Variants in MGMT observed in about 807,000 individuals in gnomAD.
MGMT encodes methylated-DNA--protein-cysteine methyltransferase.
Under a neutral mutation model 15.9 loss-of-function variants are expected in MGMT, and 14 were observed. The observed-to-expected ratio is 0.88, with a 90% confidence interval of 0.58 to 1.37. The LOEUF (loss-of-function observed/expected upper bound fraction) is 1.37. MGMT is among the 40% of genes most tolerant of loss of function. The probability of loss-of-function intolerance (pLI) is 0.00; values close to 1 mark genes in which losing one functional copy is unlikely to be tolerated. For missense variants in MGMT, 282 were observed against 268.1 expected (o/e 1.05, Z -0.36); for synonymous variants, 130 against 118.2 (o/e 1.10, Z -0.65).
At chr10:129,579,903 A>T (rs1178713293) in intron 2 of MGMT, among the ~76,000 whole-genome samples, 2 of 152,128 alleles carry the variant, frequency 1.3e-5, no homozygotes, top group African/African-American at 4.8e-5. Flanking sequence ...AAAGCCCTTG[A>T]CACTTTCTGG....
chr10:129,489,966 T>C (rs1177950437), intron 1 of MGMT, among the ~76,000 whole-genome samples: 1 of 152,180 alleles, frequency 6.6e-6, no homozygotes, highest in East Asian at 1.9e-4. Flanking sequence ...TTTAAGTCGA[T>C]GTGGGGATAA....
chr10:129,752,666 G>GTA (rs1372492022), intron 3 of MGMT, among the ~76,000 whole-genome samples: 3 of 152,014 alleles, frequency 2.0e-5, no homozygotes. Context: ...TTCTTTCACA[G>GTA]TCTAATTAGA....
chr10:129,716,475 G>A (rs968274864), intron 3 of MGMT, among the ~76,000 whole-genome samples: 9 of 152,118 alleles, frequency 5.9e-5, no homozygotes, highest in South Asian at 4.1e-4. Context: ...ATTGGGCTCC[G>A]CGATCCCCCG....
intron 2 of MGMT, among the ~76,000 whole-genome samples, chr10:129,623,781 A>G (rs935288898): frequency 1.3e-5 from 2 of 152,128 alleles, no homozygotes; most frequent in Non-Finnish European, 2.9e-5. Flanking sequence ...TTGGCCTCCA[A>G]AGGAGTTAGG....
At chr10:129,701,470 A>C (rs1335357081) in intron 2 of MGMT, 1 of 152,166 alleles carries the variant, frequency 6.6e-6, no homozygotes, top group South Asian at 2.1e-4. Context: ...AGCCAAGTAC[A>C]TCGTGTGTTA....
intron 2 of MGMT, among the ~76,000 whole-genome samples, chr10:129,673,303 T>A (rs1847746289): frequency 6.6e-6 from 1 of 151,942 alleles, no homozygotes. Flanking sequence ...AAAAAAAAAA[T>A]CATGTTATAA....
intron 2 of MGMT, among the ~76,000 whole-genome samples, chr10:129,613,282 G>T (rs192465189): frequency 1.3e-4 from 20 of 152,354 alleles, no homozygotes; most frequent in African/African-American, 4.8e-4. Context: ...AGAGATGCAA[G>T]TGCTCTTTGC....
At chr10:129,657,377 AG>A (rs1449641474) in intron 2 of MGMT, among the ~76,000 whole-genome samples, 3 of 139,886 alleles carry the variant, frequency 2.1e-5, no homozygotes, top group Non-Finnish European at 4.6e-5. Flanking sequence ...ATACTTAGCA[AG>A]GACCTCCTGC....
At chr10:129,527,258 G>A (rs1034419601) in intron 1 of MGMT, among the ~76,000 whole-genome samples, 1 of 152,218 alleles carries the variant, frequency 6.6e-6, no homozygotes, top group African/African-American at 2.4e-5. Context: ...CAGCAACACG[G>A]CTGTCCCATT....
At chr10:129,619,516 A>G (rs1564739120) in intron 2 of MGMT, among the ~76,000 whole-genome samples, 1 of 152,176 alleles carries the variant, frequency 6.6e-6, no homozygotes, top group Non-Finnish European at 1.5e-5. Context: ...TCATAAAATG[A>G]ACTGATGTAT....
At chr10:129,717,373 C>G (rs1848311626) in intron 3 of MGMT, among the ~76,000 whole-genome samples, 1 of 152,170 alleles carries the variant, frequency 6.6e-6, no homozygotes, top group Non-Finnish European at 1.5e-5. Context: ...TGGTAAATAG[C>G]GTGTTCAGTA....
At chr10:129,651,485 C>T (rs1488128134) in intron 2 of MGMT, among the ~76,000 whole-genome samples, 1 of 151,848 alleles carries the variant, frequency 6.6e-6, no homozygotes, top group Non-Finnish European at 1.5e-5. Flanking sequence ...TTTACTATAG[C>T]GAACAAATTG....
intron 1 of MGMT, among the ~76,000 whole-genome samples, chr10:129,492,058 G>A (rs2119658269): frequency 6.6e-6 from 1 of 152,174 alleles, no homozygotes; most frequent in Middle Eastern, 3.4e-3. Flanking sequence ...TAAAACCTCT[G>A]GATTGTCGTG....
At chr10:129,738,822 A>G (rs11016907) in intron 3 of MGMT, among the ~76,000 whole-genome samples, 83,607 of 152,022 alleles carry the variant, frequency 0.55, 23,291 homozygotes, top group Middle Eastern at 0.72. Context: ...GCATCATCCT[A>G]ATACCAAAGG....
intron 3 of MGMT, among the ~76,000 whole-genome samples, chr10:129,747,833 A>C (rs1848711270): frequency 6.6e-6 from 1 of 152,176 alleles, no homozygotes. Flanking sequence ...GACAGTGTTA[A>C]GGAGTACTGA....
chr10:129,589,896 A>G (rs1846662184), intron 2 of MGMT, among the ~76,000 whole-genome samples: 1 of 152,248 alleles, frequency 6.6e-6, no homozygotes, highest in African/African-American at 2.4e-5. Flanking sequence ...AGACAGAGGC[A>G]GAGGACGTGG....
intron 3 of MGMT, among the ~76,000 whole-genome samples, chr10:129,729,284 G>A (rs1387412359): frequency 7.9e-5 from 12 of 152,192 alleles, no homozygotes; most frequent in East Asian, 5.8e-4. Context: ...CCACTGCACA[G>A]GGAAGGCACC....
chr10:129,593,098 G>A (rs114098978), intron 2 of MGMT, among the ~76,000 whole-genome samples: 5,440 of 152,274 alleles, frequency 0.036, 137 homozygotes, highest in South Asian at 0.064. Context: ...TGTAGGGTGA[G>A]GGAGAAGCCC....
At chr10:129,626,095 C>T (rs895606660) in intron 2 of MGMT, among the ~76,000 whole-genome samples, 12 of 152,140 alleles carry the variant, frequency 7.9e-5, no homozygotes, top group African/African-American at 2.9e-4. Context: ...ACTGGGCCAA[C>T]GGGGCAGCCA....
Sources: allele counts gnomAD v4.1 joint callset (sites outside exome capture counted in the v4.1 genomes callset), GRCh38; gene constraint gnomAD v4.1.1; transcripts MANE v1.5; gene names NCBI Gene and HGNC (gene_info 2026-07-23, HGNC 2026-07-21).